Variants in SLC12A8 observed in about 807,000 individuals in gnomAD.
The protein encoded by SLC12A8 is solute carrier family 12 member 8.
Under a neutral mutation model 75.6 loss-of-function variants are expected in SLC12A8, and 69 were observed. The observed-to-expected ratio is 0.91, with a 90% CI of 0.75 to 1.11. The LOEUF is 1.11. Ranked by LOEUF, SLC12A8 falls within the 50% of genes most tolerant of loss-of-function variation. The probability of loss-of-function intolerance (pLI) is 0.00; values close to 1 mark genes in which losing one functional copy is unlikely to be tolerated. For synonymous variants in SLC12A8, 365 were observed against 372.8 expected (o/e 0.98, Z 0.24); for missense variants, 877 against 896.7 (o/e 0.98, Z 0.28).
At chr3:125,139,639 T>C (rs1326881529) in intron 5 of SLC12A8, among the ~76,000 whole-genome samples, 2 of 152,192 alleles carry the variant, frequency 1.3e-5, no homozygotes, top group Non-Finnish European at 2.9e-5. Flanking sequence ...GTTGACTCTC[T>C]GTTGGGCTTA....
At chr3:125,175,763 A>AAG (rs1934513695) in intron 5 of SLC12A8, among the ~76,000 whole-genome samples, 1 of 151,430 alleles carries the variant, frequency 6.6e-6, no homozygotes, top group East Asian at 1.9e-4. Context: ...CAGGAAAAAA[A>AAG]AAAAAAAATC....
At chr3:125,187,484 C>T in intron 3 of SLC12A8, 56 bp from the exon 4 acceptor site, 1 of 1,525,552 alleles carries the variant, frequency 6.6e-7, no homozygotes, top group South Asian at 1.2e-5. Flanking sequence ...CCCGCCAGCT[C>T]CCTGCTGGGG....
intron 5 of SLC12A8, among the ~76,000 whole-genome samples, chr3:125,176,343 A>G (rs578071621): frequency 9.7e-4 from 147 of 152,314 alleles, no homozygotes; most frequent in African/African-American, 3.4e-3. Context: ...AGGGCTGGGA[A>G]TACAGGCATG....
Position 125,135,693 on chromosome 3 carries a change from C to A in SLC12A8, c.712G>T (p.Gly238Trp), listed in dbSNP as rs748229622. 1 of 1,608,394 alleles carries A rather than the reference C, an allele frequency of 6.2e-7. No individual in the cohort carries two copies. Among genetic ancestry groups the A allele is most frequent in the Admixed American group, 1.7e-5 (1 of 59,684 alleles). The change falls in exon 6 of 14, where the codon GGG becomes TGG. Residue 238 changes from glycine (G) to tryptophan (W), a missense_variant. Gly to Trp is a radical substitution (Grantham distance 184, BLOSUM62 -2). Transcript: ENST00000469902. Reference sequence around the variant, plus strand: ...CCTGTAGCCGCTGGGAAGAAAACCCCAAAGACAGTGAAAAAAGATTCCCCC... The same window carrying A: ...CCTGTAGCCGCTGGGAAGAAAACCCAAAAGACAGTGAAAAAAGATTCCCCC... ...SPGESFFTVF[G>W]VFFPAATGVM...
intron 3 of SLC12A8, among the ~76,000 whole-genome samples, chr3:125,188,694 G>T (rs190628023): frequency 6.6e-6 from 1 of 152,344 alleles, no homozygotes; most frequent in African/African-American, 2.4e-5. Context: ...GCTGGAGAGG[G>T]TCCTAGGAGT....
intron 2 of SLC12A8, among the ~76,000 whole-genome samples, chr3:125,201,455 G>C (rs1248958704): frequency 6.6e-6 from 1 of 151,946 alleles, no homozygotes; most frequent in Non-Finnish European, 1.5e-5. Flanking sequence ...CCAAGCAGTG[G>C]TAAATGTTAA....
intron 2 of SLC12A8, among the ~76,000 whole-genome samples, chr3:125,194,335 G>A (rs554352454): frequency 2.0e-5 from 3 of 152,130 alleles, no homozygotes; most frequent in African/African-American, 4.8e-5. Flanking sequence ...AGGGGCCTGC[G>A]CCCCATGCTG....
chr3:125,138,478 T>C (rs1414098202), intron 5 of SLC12A8, among the ~76,000 whole-genome samples: 2 of 152,174 alleles, frequency 1.3e-5, no homozygotes, highest in Non-Finnish European at 2.9e-5. Context: ...AACTGAGACA[T>C]TTTAAATGCT....
At chr3:125,103,654 A>G (rs947067328) in intron 10 of SLC12A8, among the ~76,000 whole-genome samples, 8 of 151,728 alleles carry the variant, frequency 5.3e-5, no homozygotes, top group African/African-American at 1.9e-4. Flanking sequence ...TTTTGTAGAC[A>G]CAGGGTCTCA....
At chr3:125,195,639 A>C (rs1468223503) in intron 2 of SLC12A8, among the ~76,000 whole-genome samples, 1 of 151,440 alleles carries the variant, frequency 6.6e-6, no homozygotes, top group Non-Finnish European at 1.5e-5. Context: ...CACTTGTTCA[A>C]GGCTGGGATT....
intron 5 of SLC12A8, among the ~76,000 whole-genome samples, chr3:125,168,110 C>T (rs77096948): frequency 0.056 from 8,568 of 152,220 alleles, 328 homozygotes; most frequent in African/African-American, 0.1. Context: ...GGGATAAATT[C>T]TGATTTGGAC....
intron 5 of SLC12A8, among the ~76,000 whole-genome samples, chr3:125,164,930 CCCCAGGGATGGAGGCCAGG>C (rs1191506722): frequency 6.6e-6 from 1 of 152,196 alleles, no homozygotes; most frequent in Non-Finnish European, 1.5e-5. Flanking sequence ...GGGTTAAGAA[CCCCAGGGATGGAGGCCAGG>C]CTGTGAGGCT....
intron 8 of SLC12A8, among the ~76,000 whole-genome samples, chr3:125,113,569 C>T (rs1939237475): frequency 6.6e-6 from 1 of 152,186 alleles, no homozygotes; most frequent in African/African-American, 2.4e-5. Context: ...TCCCAGCCCT[C>T]ACAGAACTTA....
chr3:125,160,877 G>A (rs1433299793), intron 5 of SLC12A8, among the ~76,000 whole-genome samples: 1 of 152,148 alleles, frequency 6.6e-6, no homozygotes, highest in Non-Finnish European at 1.5e-5. Context: ...ACTGGCTGGG[G>A]AGCTGGGAGA....
At chr3:125,130,335 A>C (rs1465517584) in intron 6 of SLC12A8, among the ~76,000 whole-genome samples, 2 of 152,106 alleles carry the variant, frequency 1.3e-5, no homozygotes, top group Non-Finnish European at 2.9e-5. Flanking sequence ...CTCTAATCCC[A>C]GCACTTTTGG....
At position 125,135,776 on chromosome 3, in the gene SLC12A8, C is replaced by T. The variant is rs929566765; in HGVS notation, c.629G>A (p.Gly210Asp). ...GSFTHLDPEH[G>D]FIGYSPELLQ... ...CAGTTCGGGTGAATATCCAATGAAA[C>T]CATGTTCTGAAATAAAGCAATGGAG... is the stretch of plus-strand genomic sequence containing the variant. Residue 210 changes from glycine (G) to aspartate (D), a missense_variant, in exon 6 of 14, where the codon GGT becomes GAT. Gly to Asp is a moderately conservative substitution (Grantham distance 94). Coordinates refer to ENST00000469902, the MANE Select transcript of SLC12A8 (RefSeq NM_024628.6). 3.1e-6 allele frequency: 5 copies of T among 1,597,316 alleles called. No homozygotes were observed. Among genetic ancestry groups the T allele is most frequent in the South Asian group, 1.1e-5 (1 of 88,420 alleles).
At chr3:125,134,098 G>T (rs564955077) in intron 6 of SLC12A8, among the ~76,000 whole-genome samples, 1 of 151,626 alleles carries the variant, frequency 6.6e-6, no homozygotes, top group Non-Finnish European at 1.5e-5. Flanking sequence ...TGTGTGTATC[G>T]ATAGTTATTT....
At chr3:125,156,654 A>C (rs1237176341) in intron 5 of SLC12A8, among the ~76,000 whole-genome samples, 1 of 152,210 alleles carries the variant, frequency 6.6e-6, no homozygotes, top group Non-Finnish European at 1.5e-5. Flanking sequence ...TGTACAAACA[A>C]ATCAAGAAAA....
At chr3:125,108,613 C>A (rs990149671) in intron 9 of SLC12A8, among the ~76,000 whole-genome samples, 1 of 152,190 alleles carries the variant, frequency 6.6e-6, no homozygotes, top group Non-Finnish European at 1.5e-5. Flanking sequence ...AAGCAATCTG[C>A]CCACCTTGGC....
Sources: gnomAD v4.1 joint callset for allele counts (sites outside exome capture counted in the v4.1 genomes callset) on GRCh38, gnomAD v4.1.1 for gene constraint, MANE v1.5 for transcripts, NCBI Gene and HGNC (gene_info 2026-07-23, HGNC 2026-07-21) for gene names.